The following CCDC169 variants were observed in gnomAD, a reference collection of about 807,000 sequenced individuals.
The protein encoded by CCDC169 is coiled-coil domain containing 169, also known as coiled-coil domain-containing protein 169.
In CCDC169, 30 loss-of-function variants were observed where a neutral mutation model predicts 36.0. That is an observed-to-expected ratio of 0.83 (90% CI 0.62 to 1.13). The LOEUF is 1.13. Ranked by LOEUF, CCDC169 falls within the 50% of genes most tolerant of loss-of-function variation. The probability of loss-of-function intolerance (pLI) is 0.00; values close to 1 mark genes in which losing one functional copy is unlikely to be tolerated. For synonymous variants in CCDC169, 85 were observed against 81.5 expected (o/e 1.04, Z -0.23); for missense variants, 245 against 245.9 (o/e 1.00, Z 0.03).
intron 4 of CCDC169, chr13:36,281,239 T>C: frequency 2.2e-6 from 1 of 449,574 alleles, no homozygotes; most frequent in South Asian, 1.6e-5. Flanking sequence ...GCACCACCCC[T>C]GGACTGCAAA....
At chr13:36,286,198 A>G (rs1483766939) in intron 2 of CCDC169, among the ~76,000 whole-genome samples, 2 of 151,432 alleles carry the variant, frequency 1.3e-5, no homozygotes, top group Admixed American at 1.3e-4. Context: ...AGCTGCCAAG[A>G]CTCTTTTGTC....
intron 2 of CCDC169, among the ~76,000 whole-genome samples, chr13:36,295,252 T>G (rs1260051541): frequency 6.6e-6 from 1 of 152,172 alleles, no homozygotes; most frequent in African/African-American, 2.4e-5. Context: ...ATGAACCTCT[T>G]TAGAACAGGG....
chr13:36,289,073 C>T (rs1350414596), intron 2 of CCDC169, among the ~76,000 whole-genome samples: 1 of 152,074 alleles, frequency 6.6e-6, no homozygotes, highest in African/African-American at 2.4e-5. Context: ...TTTTAATAGT[C>T]TTTCTAAGAT....
chr13:36,267,101 T>C (rs1368044659), intron 4 of CCDC169: 5 of 152,208 alleles, frequency 3.3e-5, no homozygotes, highest in Non-Finnish European at 4.4e-5. Context: ...GAGAGAAGGT[T>C]GGCTGAAAGC....
intron 7 of CCDC169, among the ~76,000 whole-genome samples, chr13:36,242,330 A>T (rs1381929906): frequency 6.6e-6 from 1 of 152,160 alleles, no homozygotes; most frequent in South Asian, 2.1e-4. Context: ...CATTCTGCTG[A>T]TGAGTAATGG....
intron 6 of CCDC169, among the ~76,000 whole-genome samples, chr13:36,252,311 C>A (rs1234288688): frequency 6.6e-6 from 1 of 152,162 alleles, no homozygotes; most frequent in Non-Finnish European, 1.5e-5. Context: ...AGAACTTATC[C>A]TATCTTGTCT....
At chr13:36,266,097 A>G (rs182831035) in intron 4 of CCDC169, among the ~76,000 whole-genome samples, 37 of 152,278 alleles carry the variant, frequency 2.4e-4, no homozygotes, top group African/African-American at 8.9e-4. Context: ...TTTGGTCAGT[A>G]GTTTCTGGTT....
chr13:36,283,586 T>C lies in CCDC169; in HGVS notation c.274+6A>G. ...TTATAAAATGTACATATGATTGGTTTTGTACCTGAAGAGTTTCCATGGATT... is the reference window on the plus strand; with the variant it reads ...TTATAAAATGTACATATGATTGGTTCTGTACCTGAAGAGTTTCCATGGATT... On this transcript the variant is annotated splice_donor_region_variant and intron_variant, in intron 3 of 7. Coordinates refer to ENST00000239859, the MANE Select transcript of CCDC169 (RefSeq NM_001144981.3). 6.4e-7 allele frequency: 1 copy of C among 1,551,326 alleles called. No homozygotes were observed. The highest frequency in any genetic ancestry group is 8.7e-7 in the Non-Finnish European group (1 of 1,146,788).
downstream of CCDC169, chr13:36,227,086 C>G (rs1156548406): frequency 1.8e-6 from 1 of 567,658 alleles, no homozygotes; most frequent in Non-Finnish European, 2.9e-6. Context: ...TGAAGCCACA[C>G]TAAACCAGCA....
rs1334831418 is a variant in CCDC169 at position 36,254,139 on chromosome 13, G to C, written c.320C>G (p.Ser107Cys). The C allele has an allele frequency of 6.6e-7, 1 of 1,512,546 alleles. No individual in the cohort carries two copies. The highest frequency in any genetic ancestry group is 8.8e-7 in the Non-Finnish European group (1 of 1,133,738). 93.7% of individuals were successfully genotyped at this position (1,512,546 alleles called of 1,614,324 possible). The change falls in exon 5 of 8, where the codon TCC becomes TGC. Residue 107 changes from serine to cysteine, a missense_variant. Coordinates refer to ENST00000239859, the MANE Select transcript of CCDC169 (RefSeq NM_001144981.3). ...TAGCTGTTTAAGTAATGTGTTTAAGGATTCCTAAAAATATAAATAGTAAAA... is the reference window on the plus strand; with the variant it reads ...TAGCTGTTTAAGTAATGTGTTTAAGCATTCCTAAAAATATAAATAGTAAAA... ...IRVYERMPVE[S>C]LNTLLKQLEE... is the part of the protein sequence containing the mutation.
At chr13:36,263,071 TG>T (rs1462893066) in intron 4 of CCDC169, among the ~76,000 whole-genome samples, 1 of 152,128 alleles carries the variant, frequency 6.6e-6, no homozygotes, top group Non-Finnish European at 1.5e-5. Flanking sequence ...CCATGGTATC[TG>T]GGTTGCTGAA....
chr13:36,272,427 T>C (rs370879857), intron 4 of CCDC169, among the ~76,000 whole-genome samples: 27 of 152,252 alleles, frequency 1.8e-4, no homozygotes, highest in African/African-American at 6.3e-4. Context: ...TAGTAACACA[T>C]GTAAAAATTT....
chr13:36,285,472 C>G (rs1878071762), intron 2 of CCDC169, among the ~76,000 whole-genome samples: 1 of 152,106 alleles, frequency 6.6e-6, no homozygotes, highest in Admixed American at 6.5e-5. Context: ...ATTGCTTGAA[C>G]CCGGGAGGCA....
At position 36,267,715 on chromosome 13, in the gene CCDC169, A is replaced by G. The variant is rs888930214; in HGVS notation, c.316-13572T>C. Among the ~76,000 whole-genome samples the G allele has an allele frequency of 2.0e-5, 3 of 152,286 alleles. No individual in the cohort carries two copies. The South Asian group carries it at 6.2e-4, about 32-fold the overall frequency. Reference sequence around the variant, plus strand: ...CTGCTGTCTTCAAGAGACTCACCTAACATGGAAGGATTCATATAAACTCAA... The same window carrying G: ...CTGCTGTCTTCAAGAGACTCACCTAGCATGGAAGGATTCATATAAACTCAA... On this transcript the variant is annotated intron_variant, in intron 4 of 7. Transcript: ENST00000239859.
intron 7 of CCDC169, among the ~76,000 whole-genome samples, chr13:36,233,633 G>T (rs758359333): frequency 3.3e-5 from 5 of 152,032 alleles, no homozygotes; most frequent in Non-Finnish European, 5.9e-5. Context: ...AACCAAATAG[G>T]CATTCTGGAG....
intron 7 of CCDC169, among the ~76,000 whole-genome samples, chr13:36,235,826 T>C (rs1179212801): frequency 6.8e-6 from 1 of 147,166 alleles, no homozygotes; most frequent in Non-Finnish European, 1.5e-5. Context: ...AAGATCAATA[T>C]GCAAAAATCA....
At chr13:36,297,606 G>C (rs1396685950) in intron 1 of CCDC169, 31 bp downstream of exon 1, 2 of 1,541,700 alleles carry the variant, frequency 1.3e-6, no homozygotes, top group Admixed American at 2.0e-5. Context: ...GGTGTGGACG[G>C]GACCCCACAC....
At chr13:36,290,274 C>T (rs1291354418) in intron 2 of CCDC169, among the ~76,000 whole-genome samples, 1 of 152,102 alleles carries the variant, frequency 6.6e-6, no homozygotes, top group Non-Finnish European at 1.5e-5. Context: ...ATAATTTTGC[C>T]TCTATCTAAA....
chr13:36,292,373 C>T (rs1019075814), intron 2 of CCDC169, among the ~76,000 whole-genome samples: 6 of 151,856 alleles, frequency 4.0e-5, no homozygotes, highest in Admixed American at 2.6e-4. Flanking sequence ...TTTTAAAAAA[C>T]GTACTTAAAG....
Sources: gnomAD v4.1 joint callset for allele counts (sites outside exome capture counted in the v4.1 genomes callset) on GRCh38, gnomAD v4.1.1 for gene constraint, MANE v1.5 for transcripts, NCBI Gene and HGNC (gene_info 2026-07-23, HGNC 2026-07-21) for gene names.